HOMER2: variants seen among roughly 807,000 people sequenced by gnomAD.
HOMER2 encodes the protein homer scaffold protein 2.
HOMER2 carries 27 observed loss-of-function variants against 47.0 expected under a neutral mutation model. The observed-to-expected ratio is 0.57, with a 90% CI of 0.42 to 0.79. HOMER2 has a LOEUF of 0.79. Ranked by LOEUF, HOMER2 falls within the 30% of genes least tolerant of loss-of-function variation. HOMER2 has a pLI of 0.00. For missense variants in HOMER2, 443 were observed against 435.0 expected, an observed-to-expected ratio of 1.02 and a Z score of -0.16; for synonymous variants, 161 against 163.8, an observed-to-expected ratio of 0.98 and a Z score of 0.13.
intron 7 of HOMER2, among the ~76,000 whole-genome samples, chr15:82,851,745 T>A (rs748530203): frequency 1.3e-5 from 2 of 152,164 alleles, no homozygotes; most frequent in Non-Finnish European, 2.9e-5. Context: ...CTGGGCAACA[T>A]AATGAGACTC....
At chr15:82,906,622 C>T (rs372517176) in intron 1 of HOMER2, among the ~76,000 whole-genome samples, 155 of 152,140 alleles carry the variant, frequency 1.0e-3, no homozygotes, top group African/African-American at 3.7e-3. Flanking sequence ...TTAGTAGGAA[C>T]GAAGTTTCTC....
At chr15:82,959,951 G>A (rs1008565650) in intron 1 of HOMER2, among the ~76,000 whole-genome samples, 4 of 152,174 alleles carry the variant, frequency 2.6e-5, no homozygotes, top group Admixed American at 6.5e-5. Flanking sequence ...TTCTGAAGTC[G>A]CCTAACTTTC....
At chr15:82,931,797 C>T (rs1030732774) in intron 1 of HOMER2, among the ~76,000 whole-genome samples, 3 of 152,204 alleles carry the variant, frequency 2.0e-5, no homozygotes, top group African/African-American at 7.2e-5. Context: ...GAGATCGCGC[C>T]ACTGCACTCC....
chr15:82,880,405 T>G (rs899175633), intron 2 of HOMER2, among the ~76,000 whole-genome samples: 1 of 152,158 alleles, frequency 6.6e-6, no homozygotes, highest in African/African-American at 2.4e-5. Flanking sequence ...GGTGATCTCT[T>G]GAGGAGTGGA....
intron 1 of HOMER2, among the ~76,000 whole-genome samples, chr15:82,946,522 G>A (rs1002881): frequency 0.11 from 16,044 of 151,994 alleles, 959 homozygotes; most frequent in East Asian, 0.17. Context: ...ACACTGCCAG[G>A]AACACTTCCC....
At chr15:82,854,489 G>A (rs77753976) in intron 6 of HOMER2, among the ~76,000 whole-genome samples, 155 bp downstream of exon 6, 1,628 of 152,310 alleles carry the variant, frequency 0.011, 7 homozygotes, top group Non-Finnish European at 0.016. Context: ...AAGGCAGGGA[G>A]GGGGAGGGAC....
chr15:82,891,104 G>A (rs1476260846), intron 2 of HOMER2, among the ~76,000 whole-genome samples: 1 of 152,130 alleles, frequency 6.6e-6, no homozygotes, highest in Non-Finnish European at 1.5e-5. Flanking sequence ...AGAAAGACCA[G>A]TTCCTTCATC....
At chr15:82,938,748 C>T (rs2054196230) in intron 1 of HOMER2, among the ~76,000 whole-genome samples, 1 of 152,198 alleles carries the variant, frequency 6.6e-6, no homozygotes, top group Non-Finnish European at 1.5e-5. Flanking sequence ...TTGGCTGAGG[C>T]TGCTCTCAAA....
chr15:82,949,064 T>C (rs1485282991), intron 1 of HOMER2, among the ~76,000 whole-genome samples: 1 of 150,566 alleles, frequency 6.6e-6, no homozygotes, highest in Non-Finnish European at 1.5e-5. Flanking sequence ...ATGTGAGAGG[T>C]TGGGAAGAGG....
At chr15:82,874,763 A>G (rs2052291608) in intron 3 of HOMER2, among the ~76,000 whole-genome samples, 1 of 152,232 alleles carries the variant, frequency 6.6e-6, no homozygotes, top group South Asian at 2.1e-4. Context: ...GCTGTCAGAG[A>G]CAAAGTGTGC....
chr15:82,868,550 T>A (rs1288649193), intron 3 of HOMER2, among the ~76,000 whole-genome samples: 11 of 121,832 alleles, frequency 9.0e-5, no homozygotes, highest in African/African-American at 3.0e-4. Flanking sequence ...TATTTTTTTT[T>A]TTTTTTTTCC....
upstream of HOMER2, among the ~76,000 whole-genome samples, chr15:82,955,814 G>C (rs1366511834): frequency 6.6e-6 from 1 of 152,158 alleles, no homozygotes; most frequent in East Asian, 1.9e-4. Flanking sequence ...TTCTGTCATA[G>C]GACTATAAGA....
At chr15:82,920,718 C>A (rs1480845027) in intron 1 of HOMER2, among the ~76,000 whole-genome samples, 1 of 152,212 alleles carries the variant, frequency 6.6e-6, no homozygotes, top group African/African-American at 2.4e-5. Flanking sequence ...ACCTCCCCAT[C>A]TCAAAGTCCT....
chr15:82,916,742 T>G (rs1354062769), intron 1 of HOMER2, among the ~76,000 whole-genome samples: 3 of 151,916 alleles, frequency 2.0e-5, no homozygotes, highest in Admixed American at 6.5e-5. Context: ...CTAAGAGAGC[T>G]GAGCCCTGAG....
At chr15:82,918,553 C>T (rs2053648504) in intron 1 of HOMER2, among the ~76,000 whole-genome samples, 1 of 152,100 alleles carries the variant, frequency 6.6e-6, no homozygotes, top group African/African-American at 2.4e-5. Context: ...GGGGTTTCCC[C>T]TCCACACTCA....
intron 4 of HOMER2, among the ~76,000 whole-genome samples, chr15:82,861,096 G>T (rs1012034905): frequency 8.5e-5 from 13 of 152,126 alleles, no homozygotes; most frequent in Admixed American, 8.5e-4. Context: ...TGAGGGTGTG[G>T]TAAGAAAAAG....
chr15:82,856,713 AAG>A (rs1405234953), intron 5 of HOMER2, among the ~76,000 whole-genome samples: 1 of 152,348 alleles, frequency 6.6e-6, no homozygotes. Flanking sequence ...GTACCTGACA[AAG>A]AGTCACAGTC....
At chr15:82,847,326 G>C (rs1444015928), downstream of HOMER2, 2 of 152,258 alleles carry the variant, frequency 1.3e-5, no homozygotes, top group African/African-American at 4.8e-5. Flanking sequence ...CAGTGCTTTT[G>C]TAAAAGCTGT....
At chr15:82,910,154 A>AG (rs1469973056) in intron 1 of HOMER2, among the ~76,000 whole-genome samples, 1 of 150,894 alleles carries the variant, frequency 6.6e-6, no homozygotes, top group Non-Finnish European at 1.5e-5. Flanking sequence ...AAAAAAAAAA[A>AG]AAAAAAGGCT....
Sources: gnomAD v4.1 joint callset for allele counts (sites outside exome capture counted in the v4.1 genomes callset) on GRCh38, gnomAD v4.1.1 for gene constraint, MANE v1.5 for transcripts, NCBI Gene and HGNC (gene_info 2026-07-23, HGNC 2026-07-21) for gene names.